Variants in PCDHA8 observed in about 807,000 individuals in gnomAD.
PCDHA8 encodes protocadherin alpha 8.
PCDHA8 carries 53 observed loss-of-function variants against 61.8 expected under a neutral mutation model. That is an observed-to-expected ratio of 0.86 (90% CI 0.69 to 1.08). The LOEUF is 1.08. Among genes scored for constraint, PCDHA8 ranks in the 50% least tolerant of loss-of-function variants. The pLI is 0.00. For missense variants in PCDHA8, 1,293 were observed against 1,245.0 expected (o/e 1.04, Z -0.58); for synonymous variants, 618 against 556.6 (o/e 1.11, Z -1.55).
At chr5:141,005,352 GGAATGTCATA>G (rs1261780276) in intron 3 of PCDHA8, among the ~76,000 whole-genome samples, 2 of 152,178 alleles carry the variant, frequency 1.3e-5, no homozygotes, top group Non-Finnish European at 2.9e-5. Flanking sequence ...TGCTTGGCTA[GGAATGTCATA>G]GAATGCCTTT....
At chr5:140,843,915 T>C in intron 1 of PCDHA8, 200 bp downstream of exon 1, 1 of 619,744 alleles carries the variant, frequency 1.6e-6, no homozygotes, top group East Asian at 2.9e-5. Flanking sequence ...GTTGGGTCTA[T>C]CTTGAAACTC....
chr5:140,887,950 A>G (rs1397658604), intron 1 of PCDHA8, among the ~76,000 whole-genome samples: 1 of 152,110 alleles, frequency 6.6e-6, no homozygotes, highest in Non-Finnish European at 1.5e-5. Context: ...TATCTGTATA[A>G]GATTCTTTTT....
At chr5:140,958,692 T>C (rs2095438296) in intron 1 of PCDHA8, among the ~76,000 whole-genome samples, 2 of 152,190 alleles carry the variant, frequency 1.3e-5, no homozygotes, top group African/African-American at 4.8e-5. Flanking sequence ...TTGAATATCC[T>C]AGAGTGACAA....
intron 1 of PCDHA8, among the ~76,000 whole-genome samples, chr5:140,934,801 A>G (rs1470129792): frequency 1.3e-5 from 2 of 152,194 alleles, no homozygotes; most frequent in Non-Finnish European, 2.9e-5. Flanking sequence ...TATCTTTTTA[A>G]TGATCAAATT....
At chr5:140,890,141 C>T (rs573390664) in intron 1 of PCDHA8, among the ~76,000 whole-genome samples, 6 of 152,182 alleles carry the variant, frequency 3.9e-5, no homozygotes, top group African/African-American at 1.4e-4. Context: ...TGAAATTGGC[C>T]ATGGTAGGAG....
chr5:140,928,252 G>A (rs1377533547), intron 1 of PCDHA8: 3 of 1,614,206 alleles, frequency 1.9e-6, no homozygotes, highest in East Asian at 2.2e-5. Flanking sequence ...GGAACTTTTC[G>A]TTGCTGAAAA....
intron 1 of PCDHA8, among the ~76,000 whole-genome samples, chr5:140,885,242 A>G (rs1481024816): frequency 6.6e-6 from 1 of 152,038 alleles, no homozygotes; most frequent in Non-Finnish European, 1.5e-5. Context: ...TCAATTTTTT[A>G]TTTGCATTCA....
At chr5:140,855,049 C>A (rs188702829) in intron 1 of PCDHA8, among the ~76,000 whole-genome samples, 1 of 149,704 alleles carries the variant, frequency 6.7e-6, no homozygotes, top group Admixed American at 6.7e-5. Flanking sequence ...TGTAATAGTA[C>A]TTTTCTGTTT....
chr5:140,843,642 C>G lies in PCDHA8; in HGVS notation c.2321C>G (p.Pro774Arg), dbSNP rs1352929745. ...AAGACGGACCTCATGGCCTTCAGCC[C>G]CTGCCTTCCTCCTGATCTGGGATCA... ...PPKTDLMAFSPCLPPDLGSVD... is the reference protein window; with the variant it reads ...PPKTDLMAFSRCLPPDLGSVD... Residue 774 changes from proline to arginine, a missense_variant, in exon 1 of 4, where the codon CCC (proline) becomes CGC (arginine). Transcript: ENST00000531613. 3 of 1,595,362 alleles carry G rather than the reference C, an allele frequency of 1.9e-6. No homozygotes were observed. Among genetic ancestry groups the G allele is most frequent in the Non-Finnish European group, 2.6e-6 (3 of 1,165,104 alleles).
chr5:140,904,714 C>T (rs1306730472), intron 1 of PCDHA8, among the ~76,000 whole-genome samples: 1 of 152,110 alleles, frequency 6.6e-6, no homozygotes, highest in African/African-American at 2.4e-5. Flanking sequence ...TCACCACATT[C>T]TGGCCAACAT....
chr5:140,849,895 A>G (rs2150456565), intron 1 of PCDHA8: 1 of 1,598,460 alleles, frequency 6.3e-7, no homozygotes, highest in South Asian at 1.1e-5. Flanking sequence ...GTGAAGGAGA[A>G]CAACCCGCCG....
chr5:140,933,945 T>A (rs1435633780), intron 1 of PCDHA8, among the ~76,000 whole-genome samples: 1 of 152,084 alleles, frequency 6.6e-6, no homozygotes, highest in Non-Finnish European at 1.5e-5. Flanking sequence ...TTTTCACATC[T>A]GCAGGATCTG....
intron 1 of PCDHA8, among the ~76,000 whole-genome samples, chr5:140,872,037 G>T (rs1554166004): frequency 1.3e-5 from 2 of 152,238 alleles, no homozygotes; most frequent in African/African-American, 2.4e-5. Context: ...TAAGCTCAAA[G>T]AATTCTCCCA....
At chr5:140,854,384 C>T (rs1268523616) in intron 1 of PCDHA8, 1 of 155,336 alleles carries the variant, frequency 6.4e-6, no homozygotes, top group Non-Finnish European at 1.4e-5. Flanking sequence ...TAACTCATTA[C>T]ATTTTAATTC....
rs561828077 is a variant in PCDHA8 at position 140,908,632 on chromosome 5, C to T, written c.2394+64917C>T. On this transcript the variant is annotated intron_variant, in intron 1 of 3. Transcript: ENST00000531613. ...TGCTCCAAAATCCTTGAGGTCTCCA[C>T]TGTGATTCACTTATGGGGGCCTGCC... Among the ~76,000 whole-genome samples the T allele has an allele frequency of 9.8e-5, 15 of 152,318 alleles. No individual in the cohort carries two copies. In the East Asian group the frequency reaches 2.9e-3, roughly 29 times the overall value.
At chr5:140,870,630 G>A (rs2052239024) in intron 1 of PCDHA8, 15 of 1,613,008 alleles carry the variant, frequency 9.3e-6, no homozygotes, top group Non-Finnish European at 1.3e-5. Context: ...ACGTGTCGGT[G>A]CACGCGGAGA....
intron 3 of PCDHA8, among the ~76,000 whole-genome samples, chr5:141,000,885 G>C (rs1213239926): frequency 6.6e-6 from 1 of 151,922 alleles, no homozygotes; most frequent in African/African-American, 2.4e-5. Context: ...TCCAACCTGG[G>C]CAACAGATAT....
intron 1 of PCDHA8, among the ~76,000 whole-genome samples, chr5:140,900,673 A>G (rs936784929): frequency 3.3e-5 from 5 of 152,210 alleles, no homozygotes; most frequent in African/African-American, 1.2e-4. Flanking sequence ...GAGTGCAGTT[A>G]TCTCTTCAAT....
intron 1 of PCDHA8, among the ~76,000 whole-genome samples, chr5:140,872,595 C>G (rs1048527578): frequency 6.6e-6 from 1 of 152,102 alleles, no homozygotes; most frequent in African/African-American, 2.4e-5. Flanking sequence ...AGACCCCCAT[C>G]TGAAAAAATA....
Sources: allele counts gnomAD v4.1 joint callset (sites outside exome capture counted in the v4.1 genomes callset), GRCh38; gene constraint gnomAD v4.1.1; transcripts MANE v1.5; gene names NCBI Gene and HGNC (gene_info 2026-07-23, HGNC 2026-07-21).